The following ATP2B1 variants were observed in gnomAD, a reference collection of about 807,000 sequenced individuals.
ATP2B1 encodes the protein ATPase plasma membrane Ca2+ transporting 1, also known as plasma membrane calcium-transporting ATPase 1.
A neutral mutation model predicts 124.2 loss-of-function variants in ATP2B1; 14 were observed. That is an observed-to-expected ratio of 0.11 (90% CI 0.07 to 0.18). The LOEUF (loss-of-function observed/expected upper bound fraction) is 0.18, where lower values mean the gene tolerates loss of function less well. ATP2B1 is among the 10% of genes least tolerant of loss of function. ATP2B1 has a pLI of 1.00. For synonymous variants in ATP2B1, 449 were observed against 492.4 expected (o/e 0.91, Z 1.17); for missense variants, 763 against 1,466.1 (o/e 0.52, Z 7.83).
At chr12:89,649,355 G>T (rs983884457) in intron 2 of ATP2B1, among the ~76,000 whole-genome samples, 3 of 152,254 alleles carry the variant, frequency 2.0e-5, no homozygotes, top group African/African-American at 2.4e-5. Context: ...ATCGCCCTTT[G>T]TATCAGTGTG....
chr12:89,660,502 T>A (rs1004751565), intron 1 of ATP2B1, among the ~76,000 whole-genome samples: 8 of 152,234 alleles, frequency 5.3e-5, no homozygotes, highest in Non-Finnish European at 8.8e-5. Flanking sequence ...GCATGACTGA[T>A]GTAAGTGCCT....
chr12:89,658,376 T>C (rs1008297448), intron 1 of ATP2B1, among the ~76,000 whole-genome samples: 2 of 152,140 alleles, frequency 1.3e-5, no homozygotes, highest in African/African-American at 4.8e-5. Flanking sequence ...GGAGGACTCA[T>C]GTATTCTGGT....
intron 5 of ATP2B1, 35 bp from the exon 6 acceptor site, chr12:89,630,680 C>A: frequency 2.9e-6 from 4 of 1,400,198 alleles, no homozygotes; most frequent in East Asian, 2.7e-5. Context: ...TTTAAAAATA[C>A]TGATAGATCT....
chr12:89,690,003 T>C (rs561767443), intron 1 of ATP2B1, among the ~76,000 whole-genome samples: 5 of 152,222 alleles, frequency 3.3e-5, no homozygotes, highest in Admixed American at 6.6e-5. Context: ...TTCTATAGTT[T>C]AGGCATAAAA....
chr12:89,675,573 T>C (rs926940006), intron 1 of ATP2B1, among the ~76,000 whole-genome samples: 1 of 152,166 alleles, frequency 6.6e-6, no homozygotes, highest in African/African-American at 2.4e-5. Context: ...AATGAATAAA[T>C]GGCACTGCTA....
At chr12:89,695,067 A>AAAAAGAAG in intron 1 of ATP2B1, among the ~76,000 whole-genome samples, 1 of 146,170 alleles carries the variant, frequency 6.8e-6, no homozygotes, top group South Asian at 2.1e-4. Flanking sequence ...TCAAAAAAAA[A>AAAAAGAAG]AAAAGAAAAG....
At chr12:89,601,271 G>T in intron 19 of ATP2B1, 55 bp downstream of exon 19, 1 of 1,236,950 alleles carries the variant, frequency 8.1e-7, no homozygotes, top group Non-Finnish European at 1.1e-6. Context: ...ATACACACTA[G>T]AAATTAAAAA....
At chr12:89,675,312 C>T (rs767177430) in intron 1 of ATP2B1, among the ~76,000 whole-genome samples, 6 of 152,086 alleles carry the variant, frequency 3.9e-5, no homozygotes, top group Middle Eastern at 3.2e-3. Context: ...ATACATAATG[C>T]GTAAATTTAA....
rs1209980067 is a variant in ATP2B1 at position 89,633,611 on chromosome 12, T to C, written c.787+1167A>G. Among the ~76,000 whole-genome samples the C allele has an allele frequency of 2.6e-5, 4 of 152,104 alleles. No individual in the cohort carries two copies. The East Asian group carries it at 7.7e-4, about 29-fold the overall frequency. ...GGATTTTCTGGCCAATATAAATGTG[T>C]CTGGTTCTTTGCAATAAGCTTCTTT... is the stretch of plus-strand genomic sequence containing the variant. On this transcript the variant is annotated intron_variant, in intron 5 of 20. Coordinates refer to ENST00000428670, the MANE Select transcript of ATP2B1 (RefSeq NM_001366521.1).
rs368365294 is a variant in ATP2B1, at chr12:89,589,507, T to C, written c.*1477A>G. On this transcript the variant is annotated 3_prime_UTR_variant, in exon 21 of 21. Coordinates refer to ENST00000428670, the MANE Select transcript of ATP2B1 (RefSeq NM_001366521.1). ...TTACCTAATCTGTTATTTGGCCACT[T>C]AAGAATTAAAATAAATGTATCAAAG... 1.3e-5 allele frequency: 2 copies of C among 152,250 alleles called. No homozygotes were observed. The highest frequency in any genetic ancestry group is 1.9e-4 in the East Asian group (1 of 5,190). 9.4% of individuals were successfully genotyped at this position (152,250 alleles called of 1,614,324 possible).
intron 9 of ATP2B1, 38 bp from the exon 10 acceptor site, chr12:89,621,829 T>C: frequency 4.7e-6 from 7 of 1,478,760 alleles, no homozygotes; most frequent in Non-Finnish European, 6.3e-6. Flanking sequence ...TTAAGCTGCA[T>C]ATAAAACCAA....
intron 1 of ATP2B1, among the ~76,000 whole-genome samples, chr12:89,656,384 A>G (rs1362964533): frequency 1.3e-5 from 2 of 152,204 alleles, no homozygotes; most frequent in East Asian, 3.8e-4. Flanking sequence ...TATTACTGTT[A>G]TTGTTCCAAG....
At chr12:89,641,555 T>C (rs1377044540) in intron 3 of ATP2B1, among the ~76,000 whole-genome samples, 2 of 152,182 alleles carry the variant, frequency 1.3e-5, no homozygotes, top group Admixed American at 1.3e-4. Flanking sequence ...ACAAAATTTG[T>C]GGTAAGTACT....
chr12:89,673,685 C>G (rs1183189817), intron 1 of ATP2B1, among the ~76,000 whole-genome samples: 3 of 152,148 alleles, frequency 2.0e-5, no homozygotes, highest in African/African-American at 7.2e-5. Flanking sequence ...ATGTTCTTTA[C>G]TATGCCAAAT....
At chr12:89,699,589 T>G (rs1891576128) in intron 1 of ATP2B1, among the ~76,000 whole-genome samples, 1 of 152,172 alleles carries the variant, frequency 6.6e-6, no homozygotes, top group Non-Finnish European at 1.5e-5. Flanking sequence ...ACTTTGTACT[T>G]TTTGAGGAGT....
chr12:89,689,203 T>C (rs1164740712), intron 1 of ATP2B1, among the ~76,000 whole-genome samples: 4 of 152,102 alleles, frequency 2.6e-5, no homozygotes, highest in African/African-American at 9.7e-5. Flanking sequence ...AAATACAAGC[T>C]ACCCAGTTAA....
chr12:89,610,431 T>A lies in ATP2B1; in HGVS notation c.2325A>T (p.Thr775=). 6.2e-7 allele frequency: 1 copy of A among 1,613,558 alleles called. No individual in the cohort carries two copies. The highest frequency in any genetic ancestry group is 8.5e-7 in the Non-Finnish European group (1 of 1,179,566). The stretch of plus-strand genomic sequence containing the variant: ...GAAAAATCTACTTACCTTTAACCAG[T>A]GTATGCTTATCAGTAGGAGATGATC... ...LARSSPTDKH[T]LVKGIIDSTV... The change falls in exon 14 of 21, where the codon ACA becomes ACT. Residue 775 remains threonine, a synonymous_variant. Coordinates refer to ENST00000428670, the MANE Select transcript of ATP2B1 (RefSeq NM_001366521.1).
intron 3 of ATP2B1, among the ~76,000 whole-genome samples, chr12:89,641,098 AAAT>A (rs1445226084): frequency 6.6e-5 from 10 of 152,184 alleles, no homozygotes; most frequent in Non-Finnish European, 1.3e-4. Context: ...TTGATACATA[AAAT>A]ACTACTGGTT....
At chr12:89,608,207 C>T (rs1377365086) in intron 15 of ATP2B1, among the ~76,000 whole-genome samples, 1 of 152,142 alleles carries the variant, frequency 6.6e-6, no homozygotes, top group Non-Finnish European at 1.5e-5. Flanking sequence ...CTCGCTCTGT[C>T]ACCTAGGCTG....
Sources: allele counts gnomAD v4.1 joint callset (sites outside exome capture counted in the v4.1 genomes callset), GRCh38; gene constraint gnomAD v4.1.1; transcripts MANE v1.5; gene names NCBI Gene and HGNC (gene_info 2026-07-23, HGNC 2026-07-21).